The following MSRB3 variants were observed in gnomAD, a reference collection of about 807,000 sequenced individuals.
The protein encoded by MSRB3 is methionine sulfoxide reductase B3.
Under a neutral mutation model 21.0 loss-of-function variants are expected in MSRB3, and 13 were observed. The ratio of observed to expected loss-of-function variants is 0.62; its 90% CI spans 0.40 to 0.98. MSRB3 has a LOEUF of 0.98. Ranked by LOEUF, MSRB3 falls within the 50% of genes least tolerant of loss-of-function variation. MSRB3 has a pLI of 0.00. For synonymous variants in MSRB3, 87 were observed against 88.6 expected, an observed-to-expected ratio of 0.98 and a Z score of 0.10; for missense variants, 199 against 230.3, an observed-to-expected ratio of 0.86 and a Z score of 0.88.
intron 2 of MSRB3, among the ~76,000 whole-genome samples, chr12:65,311,935 T>G (rs1299601554): frequency 6.6e-6 from 1 of 152,036 alleles, no homozygotes; most frequent in East Asian, 1.9e-4. Flanking sequence ...TAATTTTAAT[T>G]TGGAGCTTTT....
chr12:65,377,830 G>A (rs1320908504), intron 5 of MSRB3, among the ~76,000 whole-genome samples: 1 of 152,152 alleles, frequency 6.6e-6, no homozygotes, highest in African/African-American at 2.4e-5. Context: ...GCAGTAGAAT[G>A]TATGTCATTT....
intron 5 of MSRB3, among the ~76,000 whole-genome samples, chr12:65,442,507 A>G (rs759035145): frequency 1.3e-5 from 2 of 151,926 alleles, no homozygotes; most frequent in Admixed American, 1.3e-4. Flanking sequence ...TCCCCATCCT[A>G]TATCTCACTT....
intron 6 of MSRB3, among the ~76,000 whole-genome samples, chr12:65,459,891 T>C (rs1428638248): frequency 1.3e-5 from 2 of 152,210 alleles, no homozygotes; most frequent in Admixed American, 1.3e-4. Context: ...TAGGGGGTCC[T>C]TTCCCTTGGT....
chr12:65,315,228 C>G (rs964958324), intron 2 of MSRB3, among the ~76,000 whole-genome samples: 16 of 152,108 alleles, frequency 1.1e-4, no homozygotes, highest in African/African-American at 3.1e-4. Flanking sequence ...CTGAAATTAC[C>G]TTTTGTGCCT....
rs1425925566 is a variant in MSRB3 at position 65,308,640 on chromosome 12, T to C, written c.61T>C (p.Cys21Arg). 3.1e-6 allele frequency: 5 copies of C among 1,613,914 alleles called. No homozygotes were observed. The highest frequency in any genetic ancestry group is 4.2e-6 in the Non-Finnish European group (5 of 1,179,900). Residue 21 changes from cysteine (C) to arginine (R), a missense_variant, in exon 2 of 7, where the codon TGT (cysteine) becomes CGT (arginine). Physicochemically the swap from Cys to Arg is radical, Grantham distance 180. Transcript: ENST00000308259. ...GAGCCAGCCAGTAGCCCTTCGAGCC[T>C]GTGGGCTTCCCTCAGGTTGCTGCTT... ...TKSQPVALRA[C>R]GLPSGSCRDK... is the part of the protein sequence containing the mutation.
At chr12:65,462,900 T>G (rs1159511568) in intron 6 of MSRB3, among the ~76,000 whole-genome samples, 1 of 152,222 alleles carries the variant, frequency 6.6e-6, no homozygotes. Context: ...GCTGAGAGAC[T>G]TCACAGATCA....
chr12:65,332,292 G>GGTGT (rs369716664), intron 4 of MSRB3, among the ~76,000 whole-genome samples: 51 of 150,250 alleles, frequency 3.4e-4, no homozygotes, highest in African/African-American at 1.0e-3. Context: ...AAACAATTGA[G>GGTGT]GTGTGTGTGT....
intron 4 of MSRB3, among the ~76,000 whole-genome samples, chr12:65,350,127 T>C (rs1876840769): frequency 6.6e-6 from 1 of 151,954 alleles, no homozygotes; most frequent in Non-Finnish European, 1.5e-5. Context: ...TATCTACATA[T>C]GGCTAGCCAG....
intron 5 of MSRB3, among the ~76,000 whole-genome samples, chr12:65,387,972 G>A (rs1248547228): frequency 6.6e-6 from 1 of 152,068 alleles, no homozygotes; most frequent in Non-Finnish European, 1.5e-5. Flanking sequence ...AAAATATGAT[G>A]AAAGTGTTTT....
At chr12:65,419,029 G>A (rs908156987) in intron 5 of MSRB3, 4 of 711,276 alleles carry the variant, frequency 5.6e-6, no homozygotes, top group African/African-American at 3.5e-5. Flanking sequence ...GGTGTACCAG[G>A]CCTCCACCTC....
intron 5 of MSRB3, among the ~76,000 whole-genome samples, chr12:65,393,237 TATA>T (rs1186853863): frequency 6.6e-6 from 1 of 152,322 alleles, no homozygotes; most frequent in African/African-American, 2.4e-5. Context: ...CTCTTAGAAA[TATA>T]ATATAGCTGA....
intron 5 of MSRB3, among the ~76,000 whole-genome samples, chr12:65,408,085 G>A (rs1259027253): frequency 6.6e-6 from 1 of 151,468 alleles, no homozygotes; most frequent in Non-Finnish European, 1.5e-5. Context: ...ATGTGCTTTT[G>A]TCTTCTAGTA....
chr12:65,445,783 C>T (rs1373349600), intron 5 of MSRB3, among the ~76,000 whole-genome samples: 1 of 151,502 alleles, frequency 6.6e-6, no homozygotes, highest in Non-Finnish European at 1.5e-5. Context: ...GTAGCTGGGA[C>T]TAGAGGCATG....
chr12:65,347,545 A>T (rs746798479), intron 4 of MSRB3, among the ~76,000 whole-genome samples: 6 of 152,142 alleles, frequency 3.9e-5, no homozygotes, highest in Non-Finnish European at 7.3e-5. Flanking sequence ...GGACAATTTG[A>T]CTTCCTCTTT....
At chr12:65,433,303 TC>T (rs1412224514) in intron 5 of MSRB3, among the ~76,000 whole-genome samples, 2 of 152,000 alleles carry the variant, frequency 1.3e-5, no homozygotes, top group African/African-American at 4.8e-5. Context: ...GTTAAAATTT[TC>T]TTTAGAGTGT....
intron 4 of MSRB3, among the ~76,000 whole-genome samples, chr12:65,350,461 A>G (rs1592552122): frequency 6.6e-6 from 1 of 151,500 alleles, no homozygotes; most frequent in East Asian, 1.9e-4. Context: ...ACACGTAACA[A>G]TATTAACTTT....
intron 5 of MSRB3, among the ~76,000 whole-genome samples, chr12:65,413,590 AAT>A (rs1656295500): frequency 6.6e-6 from 1 of 152,144 alleles, no homozygotes; most frequent in African/African-American, 2.4e-5. Flanking sequence ...AGTAATCCTA[AAT>A]ATTTTTTCAG....
chr12:65,411,154 T>G (rs1880697668), intron 5 of MSRB3, among the ~76,000 whole-genome samples: 1 of 151,912 alleles, frequency 6.6e-6, no homozygotes, highest in Non-Finnish European at 1.5e-5. Context: ...ACTAAGTTTC[T>G]TTTCCTACTT....
At chr12:65,458,121 G>T (rs1883172928) in intron 6 of MSRB3, among the ~76,000 whole-genome samples, 1 of 152,176 alleles carries the variant, frequency 6.6e-6, no homozygotes, top group Non-Finnish European at 1.5e-5. Flanking sequence ...ACCTTTAACT[G>T]CCAACTTCTA....
Sources: gnomAD v4.1 joint callset for allele counts (sites outside exome capture counted in the v4.1 genomes callset) on GRCh38, gnomAD v4.1.1 for gene constraint, MANE v1.5 for transcripts, NCBI Gene and HGNC (gene_info 2026-07-23, HGNC 2026-07-21) for gene names.